Variants in CPE observed in about 807,000 individuals in gnomAD.
The protein encoded by CPE is carboxypeptidase E.
In CPE, 17 loss-of-function variants were observed where a neutral mutation model predicts 53.5. That is an observed-to-expected ratio of 0.32 (90% CI 0.22 to 0.48). The LOEUF (loss-of-function observed/expected upper bound fraction) is 0.48, where lower values mean the gene tolerates loss of function less well. Ranked by LOEUF, CPE falls within the 20% of genes least tolerant of loss-of-function variation. The pLI, the probability that CPE is intolerant of heterozygous loss-of-function variation, is 0.99. For synonymous variants in CPE, 226 were observed against 228.8 expected (o/e 0.99, Z 0.11); for missense variants, 524 against 614.7 (o/e 0.85, Z 1.56).
chr4:165,415,767 A>AT (rs767464822), intron 1 of CPE, among the ~76,000 whole-genome samples: 44,979 of 151,782 alleles, frequency 0.3, 6,814 homozygotes, highest in Middle Eastern at 0.39. Flanking sequence ...TATATATTAC[A>AT]TACATACATA....
intron 1 of CPE, among the ~76,000 whole-genome samples, chr4:165,421,099 A>T (rs1731203564): frequency 6.6e-6 from 1 of 152,188 alleles, no homozygotes. Flanking sequence ...CCTGCATTGT[A>T]GTGGAAAATT....
Position 165,461,166 on chromosome 4 carries a change from C to CAAA in CPE, c.308-3205_308-3203dup, listed in dbSNP as rs1173022270. On this transcript the variant is annotated intron_variant, in intron 1 of 8. Coordinates refer to ENST00000402744, the MANE Select transcript of CPE (RefSeq NM_001873.4). ...TGGGTGACAGAGTGAGCCTCTGCCT[C>CAAA]AAAAAAAAAAAAAAAAAAAAAGAAA... Among the ~76,000 whole-genome samples the CAAA allele has an allele frequency of 4.0e-3, 178 of 44,162 alleles. 7 individuals are homozygous for CAAA. The highest frequency in any genetic ancestry group is 5.8e-3 in the Non-Finnish European group (121 of 20,930). 29.0% of individuals were successfully genotyped at this position (44,162 alleles called of 152,430 possible).
chr4:165,415,524 A>G (rs1731105468), intron 1 of CPE, among the ~76,000 whole-genome samples: 1 of 152,146 alleles, frequency 6.6e-6, no homozygotes, highest in African/African-American at 2.4e-5. Flanking sequence ...CACTATGAGT[A>G]AAAGCTTTTT....
At chr4:165,425,015 T>A (rs976619241) in intron 1 of CPE, among the ~76,000 whole-genome samples, 1 of 151,822 alleles carries the variant, frequency 6.6e-6, no homozygotes, top group South Asian at 2.1e-4. Context: ...CCCAGAGGGA[T>A]TACAGATGTG....
chr4:165,482,297 T>C lies in CPE; in HGVS notation c.728T>C (p.Leu243Pro), dbSNP rs1201301425. ...TGGATTATGGATATTCCTTTTGTGCTTTCTGCCAATCTCCATGGAGGAGAC... is the reference window on the plus strand; with the variant it reads ...TGGATTATGGATATTCCTTTTGTGCCTTCTGCCAATCTCCATGGAGGAGAC... ...IHWIMDIPFV[L>P]SANLHGGDLV... Residue 243 changes from leucine to proline, a missense_variant, in exon 4 of 9, where the codon CTT becomes CCT. By Grantham distance (98) the Leu-to-Pro change is moderately conservative. Transcript: ENST00000402744. 1 of 1,614,092 alleles carries C rather than the reference T, an allele frequency of 6.2e-7. No individual in the cohort carries two copies. Among genetic ancestry groups the C allele is most frequent in the Admixed American group, 1.7e-5 (1 of 60,022 alleles).
intron 1 of CPE, among the ~76,000 whole-genome samples, chr4:165,423,008 G>A (rs926508973): frequency 6.8e-6 from 1 of 146,458 alleles, no homozygotes; most frequent in African/African-American, 2.5e-5. Context: ...GATATACACT[G>A]GGTTGGTCCA....
chr4:165,467,759 A>G lies in CPE; in HGVS notation c.576A>G (p.Pro192=), dbSNP rs1457284899. ...GAATAGATCTGAACCGGAACTTTCCAGACCTGGATAGGATAGTGTACGTGA... is the reference window on the plus strand; with the variant it reads ...GAATAGATCTGAACCGGAACTTTCCGGACCTGGATAGGATAGTGTACGTGA... The part of the protein sequence containing the change: ...AQGIDLNRNF[P]DLDRIVYVNE... Residue 192 remains proline, a synonymous_variant, in exon 3 of 9, where the codon CCA becomes CCG. Transcript: ENST00000402744. 1 of 1,613,732 alleles carries G rather than the reference A, an allele frequency of 6.2e-7. No individual in the cohort carries two copies. Among genetic ancestry groups the G allele is most frequent in the Non-Finnish European group, 8.5e-7 (1 of 1,179,864 alleles).
chr4:165,452,898 A>G (rs1027923049), intron 1 of CPE, among the ~76,000 whole-genome samples: 1 of 152,200 alleles, frequency 6.6e-6, no homozygotes, highest in Non-Finnish European at 1.5e-5. Context: ...GACCTTGGGA[A>G]TGGGGCTCAG....
intron 1 of CPE, chr4:165,386,475 A>G: frequency 2.8e-6 from 1 of 355,068 alleles, no homozygotes; most frequent in Non-Finnish European, 5.3e-6. Flanking sequence ...TGTTGACATC[A>G]TGCATATTAG....
intron 1 of CPE, among the ~76,000 whole-genome samples, chr4:165,410,744 A>T (rs1448409782): frequency 1.3e-5 from 2 of 152,124 alleles, no homozygotes; most frequent in Non-Finnish European, 2.9e-5. Context: ...AGAATGAGAA[A>T]ATTTTGCTGA....
intron 1 of CPE, among the ~76,000 whole-genome samples, chr4:165,424,277 A>G (rs1381290014): frequency 6.6e-6 from 1 of 151,214 alleles, no homozygotes; most frequent in Non-Finnish European, 1.5e-5. Context: ...TTTGATATGC[A>G]TGTACATACT....
chr4:165,459,374 G>A (rs1386808514), intron 1 of CPE, among the ~76,000 whole-genome samples: 1 of 152,154 alleles, frequency 6.6e-6, no homozygotes, highest in Admixed American at 6.5e-5. Context: ...GATGGAAAAA[G>A]ATAGAAACTG....
chr4:165,441,336 G>C (rs1198634191), intron 1 of CPE, among the ~76,000 whole-genome samples: 6 of 152,210 alleles, frequency 3.9e-5, no homozygotes, highest in African/African-American at 1.4e-4. Context: ...TCCTTAACAG[G>C]CCAGATTAAT....
chr4:165,384,843 C>T (rs778421296), intron 1 of CPE, among the ~76,000 whole-genome samples: 1 of 152,074 alleles, frequency 6.6e-6, no homozygotes, highest in Admixed American at 6.5e-5. Flanking sequence ...CATTTTTTCC[C>T]TCCATAAACA....
intron 3 of CPE, among the ~76,000 whole-genome samples, chr4:165,470,937 A>G (rs1396595443): frequency 2.6e-5 from 4 of 152,074 alleles, no homozygotes; most frequent in African/African-American, 7.2e-5. Context: ...AGCCTCTGTC[A>G]TGTCTTGTTG....
intron 5 of CPE, 83 bp from the exon 6 acceptor site, chr4:165,487,355 T>A: frequency 6.4e-7 from 1 of 1,560,450 alleles, no homozygotes; most frequent in East Asian, 2.2e-5. Context: ...ACCTTTTACT[T>A]GGTTCTTGAT....
chr4:165,401,214 G>A (rs1730862805), intron 1 of CPE, among the ~76,000 whole-genome samples: 1 of 152,124 alleles, frequency 6.6e-6, no homozygotes, highest in Non-Finnish European at 1.5e-5. Flanking sequence ...ATTGCTTAGA[G>A]TTCTGTTCTT....
intron 1 of CPE, among the ~76,000 whole-genome samples, chr4:165,395,860 T>C (rs192410809): frequency 2.6e-5 from 4 of 152,244 alleles, no homozygotes; most frequent in African/African-American, 9.6e-5. Context: ...TCATGAAAGG[T>C]TTGTGAACCT....
chr4:165,386,951 C>T (rs28429498), intron 1 of CPE, among the ~76,000 whole-genome samples: 3 of 152,132 alleles, frequency 2.0e-5, no homozygotes, highest in African/African-American at 4.8e-5. Flanking sequence ...GAGGTTTATC[C>T]GAGCTACGTG....
Sources: gnomAD v4.1 joint callset for allele counts (sites outside exome capture counted in the v4.1 genomes callset) on GRCh38, gnomAD v4.1.1 for gene constraint, MANE v1.5 for transcripts, NCBI Gene and HGNC (gene_info 2026-07-23, HGNC 2026-07-21) for gene names.